The following NME7 variants were observed in gnomAD, a reference collection of about 807,000 sequenced individuals.
The protein encoded by NME7 is NME/NM23 family member 7.
A neutral mutation model predicts 49.1 loss-of-function variants in NME7; 41 were observed. The observed-to-expected ratio is 0.83, with a 90% CI of 0.65 to 1.08. The LOEUF (loss-of-function observed/expected upper bound fraction) is 1.08, where lower values mean the gene tolerates loss of function less well. Ranked by LOEUF, NME7 falls within the 50% of genes least tolerant of loss-of-function variation. The pLI, the probability that NME7 is intolerant of heterozygous loss-of-function variation, is 0.00. For synonymous variants in NME7, 139 were observed against 150.6 expected, an observed-to-expected ratio of 0.92 and a Z score of 0.56; for missense variants, 423 against 463.4, an observed-to-expected ratio of 0.91 and a Z score of 0.80.
intron 1 of NME7, among the ~76,000 whole-genome samples, chr1:169,355,367 T>TAC (rs36138444): frequency 0.27 from 18,968 of 71,114 alleles, 4,292 homozygotes; most frequent in East Asian, 0.64. Context: ...ATATATATTA[T>TAC]ACACACACAC....
At chr1:169,138,069 G>T (rs1291777733) in intron 11 of NME7, among the ~76,000 whole-genome samples, 3 of 152,180 alleles carry the variant, frequency 2.0e-5, no homozygotes, top group African/African-American at 7.2e-5. Flanking sequence ...CCAGCACTTT[G>T]GGAGGCCTAG....
rs1323617541 is a variant in NME7, at chr1:169,310,219, G to T, written c.279-139C>A. 1.1e-5 allele frequency: 6 copies of T among 556,690 alleles called. No homozygotes were observed. In the African/African-American group the frequency reaches 1.2e-4, roughly 11 times the overall value. 34.5% of individuals were successfully genotyped at this position (556,690 alleles called of 1,614,324 possible). A position where few individuals can be genotyped will look rare whatever the true frequency, so the allele number is the denominator to read the frequency against. On this transcript the variant is annotated intron_variant, in intron 3 of 11. Transcript: ENST00000367811. The stretch of plus-strand genomic sequence containing the variant: ...TAATTGTATAGAAAAGTGTATTAAA[G>T]ACATCCCTTAAAAACTTACACAAAG...
intron 10 of NME7, among the ~76,000 whole-genome samples, chr1:169,170,652 C>T (rs147291359): frequency 1.3e-3 from 202 of 152,286 alleles, no homozygotes; most frequent in African/African-American, 4.5e-3. Flanking sequence ...TGGTGGCCCA[C>T]ACCTGTAATC....
intron 11 of NME7, among the ~76,000 whole-genome samples, chr1:169,158,780 G>C (rs992642676): frequency 1.3e-5 from 2 of 152,084 alleles, no homozygotes; most frequent in Non-Finnish European, 2.9e-5. Context: ...AGTGGACCCC[G>C]AGAATTTCAT....
At chr1:169,180,581 C>T (rs1158500412) in intron 10 of NME7, among the ~76,000 whole-genome samples, 1 of 152,126 alleles carries the variant, frequency 6.6e-6, no homozygotes, top group Non-Finnish European at 1.5e-5. Context: ...GATTCCAGAC[C>T]AAGGTGAGCA....
chr1:169,289,343 C>G (rs1371628002), intron 6 of NME7, among the ~76,000 whole-genome samples: 1 of 152,142 alleles, frequency 6.6e-6, no homozygotes, highest in East Asian at 1.9e-4. Flanking sequence ...ATCTTTATTA[C>G]TTGTTCACTA....
intron 1 of NME7, among the ~76,000 whole-genome samples, chr1:169,356,278 C>T (rs1025434738): frequency 2.6e-5 from 4 of 152,080 alleles, no homozygotes; most frequent in Non-Finnish European, 5.9e-5. Context: ...CAGGCACTAT[C>T]GTTAAAATGG....
intron 10 of NME7, among the ~76,000 whole-genome samples, chr1:169,230,323 A>G (rs962263873): frequency 6.6e-6 from 1 of 152,162 alleles, no homozygotes; most frequent in Non-Finnish European, 1.5e-5. Flanking sequence ...CTTATTGCCC[A>G]TATTTATTTA....
At chr1:169,323,501 T>C (rs1028219448) in intron 2 of NME7, among the ~76,000 whole-genome samples, 1 of 152,230 alleles carries the variant, frequency 6.6e-6, no homozygotes, top group African/African-American at 2.4e-5. Flanking sequence ...ATTACAAATT[T>C]AATACTCTTA....
At chr1:169,232,912 C>CTTTTTTTTT (rs10545228) in intron 9 of NME7, among the ~76,000 whole-genome samples, 3 of 74,532 alleles carry the variant, frequency 4.0e-5, no homozygotes, top group East Asian at 4.3e-4. Context: ...GTTTTCTTTT[C>CTTTTTTTTT]TTTTTTTTTT....
At chr1:169,293,133 AAAAAT>A (rs1251378658) in intron 6 of NME7, among the ~76,000 whole-genome samples, 5 of 147,712 alleles carry the variant, frequency 3.4e-5, no homozygotes, top group East Asian at 7.5e-4. Context: ...TGTCTTTAGA[AAAAAT>A]AAAAAAAAAT....
chr1:169,324,335 C>A, intron 2 of NME7, 58 bp downstream of exon 2: 2 of 1,037,102 alleles, frequency 1.9e-6, no homozygotes, highest in Non-Finnish European at 3.0e-6. Flanking sequence ...ATATAAAAGG[C>A]AATGGTTCCC....
At chr1:169,210,971 C>T (rs1660798614) in intron 10 of NME7, among the ~76,000 whole-genome samples, 1 of 150,286 alleles carries the variant, frequency 6.7e-6, no homozygotes, top group Non-Finnish European at 1.5e-5. Context: ...CTATTGAATC[C>T]CTCATATAGA....
intron 1 of NME7, among the ~76,000 whole-genome samples, chr1:169,362,596 G>C (rs1653699525): frequency 6.6e-6 from 1 of 152,140 alleles, no homozygotes; most frequent in Non-Finnish European, 1.5e-5. Context: ...AAGCTGATTA[G>C]ATAAACTGCA....
At chr1:169,340,952 A>G (rs1483252260) in intron 1 of NME7, among the ~76,000 whole-genome samples, 1 of 152,168 alleles carries the variant, frequency 6.6e-6, no homozygotes, top group African/African-American at 2.4e-5. Flanking sequence ...GGTTTGGAAA[A>G]CTTGCAGCCT....
At chr1:169,289,770 A>G (rs1398189063) in intron 6 of NME7, among the ~76,000 whole-genome samples, 5 of 152,184 alleles carry the variant, frequency 3.3e-5, no homozygotes, top group Non-Finnish European at 7.4e-5. Flanking sequence ...ATATTTATTT[A>G]TAAAGCATAA....
chr1:169,147,205 A>C (rs1047780718), intron 11 of NME7, among the ~76,000 whole-genome samples: 4 of 152,256 alleles, frequency 2.6e-5, no homozygotes, highest in African/African-American at 9.6e-5. Context: ...ATCAGTTAAT[A>C]AGGATAAAAC....
Position 169,288,571 on chromosome 1 carries a change from G to T in NME7, c.649-1163C>A, listed in dbSNP as rs182510716. 1.4e-4 allele frequency among the ~76,000 whole-genome samples: 22 copies of T among 152,124 alleles called. 2 individuals carry two copies. In the East Asian group the frequency reaches 3.9e-3, roughly 27 times the overall value. ...ATTTATTTTTCATTAAATTTAAAAT[G>T]AAAAGATTATAGAATGTGTTAATGT... On this transcript the variant is annotated intron_variant, in intron 6 of 11. Transcript: ENST00000367811.
chr1:169,229,129 G>A (rs1355895398), intron 10 of NME7, among the ~76,000 whole-genome samples: 1 of 151,930 alleles, frequency 6.6e-6, no homozygotes, highest in Non-Finnish European at 1.5e-5. Flanking sequence ...CTATGATATG[G>A]GATTCAAATT....
Sources: gnomAD v4.1 joint callset for allele counts (sites outside exome capture counted in the v4.1 genomes callset) on GRCh38, gnomAD v4.1.1 for gene constraint, MANE v1.5 for transcripts, NCBI Gene and HGNC (gene_info 2026-07-23, HGNC 2026-07-21) for gene names.